NUP210: variants seen among roughly 807,000 people sequenced by gnomAD.
The protein encoded by NUP210 is nuclear pore membrane glycoprotein 210.
In NUP210, 151 loss-of-function variants were observed where a neutral mutation model predicts 196.0. The observed-to-expected ratio is 0.77, with a 90% CI of 0.67 to 0.88. NUP210 has a LOEUF of 0.88. Ranked by LOEUF, NUP210 falls within the 40% of genes least tolerant of loss-of-function variation. The pLI, the probability that NUP210 is intolerant of heterozygous loss-of-function variation, is 0.00. For missense variants in NUP210, 2,314 were observed against 2,493.7 expected, an observed-to-expected ratio of 0.93 and a Z score of 1.53; for synonymous variants, 1,070 against 1,052.7, an observed-to-expected ratio of 1.02 and a Z score of -0.32.
chr3:13,413,424 C>G (rs1447700712), intron 1 of NUP210, among the ~76,000 whole-genome samples: 1 of 151,582 alleles, frequency 6.6e-6, no homozygotes, highest in Non-Finnish European at 1.5e-5. Context: ...GAGCCAAGAT[C>G]GCACCACTGC....
chr3:13,397,571 T>C lies in NUP210; in HGVS notation c.305-83A>G, dbSNP rs1285450836. The C allele has an allele frequency of 1.2e-5, 17 of 1,417,848 alleles. No individual in the cohort carries two copies. In the Admixed American group the frequency reaches 4.5e-4, roughly 38 times the overall value. 87.8% of individuals were successfully genotyped at this position (1,417,848 alleles called of 1,614,324 possible). A position where few individuals can be genotyped will look rare whatever the true frequency, so the allele number is the denominator to read the frequency against. ...TTCCAAGCCTTGCAGGCTTACACTC[T>C]GGCAAAGACCACGGCAACCACCAGC... On this transcript the variant is annotated intron_variant, in intron 2 of 39. Coordinates refer to ENST00000254508, the MANE Select transcript of NUP210 (RefSeq NM_024923.4).
At chr3:13,364,255 G>A (rs562797424) in intron 14 of NUP210, among the ~76,000 whole-genome samples, 121 of 152,250 alleles carry the variant, frequency 7.9e-4, no homozygotes, top group Non-Finnish European at 1.6e-3. Context: ...GCAACTCTAG[G>A]GCCTGCAGAA....
chr3:13,348,450 C>T lies in NUP210; in HGVS notation c.2835+3429G>A. The T allele has an allele frequency of 1.0e-6, 1 of 985,416 alleles. No individual in the cohort carries two copies. The highest frequency in any genetic ancestry group is 1.2e-6 in the Non-Finnish European group (1 of 829,918). The allele number at this position is 985,416 out of a possible 1,614,324, so 61.0% of individuals were successfully genotyped here. On this transcript the variant is annotated intron_variant, in intron 20 of 39. Coordinates refer to ENST00000254508, the MANE Select transcript of NUP210 (RefSeq NM_024923.4). This position sits in a 1 kb window ranked among gnomAD's most constrained non-coding sequence, Gnocchi z 4.0. ...TGAGAGTGTGCCTCGGTTTCACTGG[C>T]ACTGTACACATTTTTCCCTAACTTG...
At chr3:13,328,088 T>G (rs926234908) in intron 31 of NUP210, among the ~76,000 whole-genome samples, 8 of 152,342 alleles carry the variant, frequency 5.3e-5, no homozygotes, top group African/African-American at 1.7e-4. Context: ...TATCAGGTGC[T>G]CCTGCTACAA....
Position 13,379,448 on chromosome 3 carries a change from C to T in NUP210, c.976+115G>A, listed in dbSNP as rs937341129. On this transcript the variant is annotated intron_variant, in intron 7 of 39. Coordinates refer to ENST00000254508, the MANE Select transcript of NUP210 (RefSeq NM_024923.4). The surrounding 1 kb of genome is among the most constrained non-coding windows in gnomAD (Gnocchi z 4.2). Reference sequence around the variant, plus strand: ...TTTCAGTTCTTTCTGATTTTCAGACCGTTGAGGGGAAACGGCTATTTTTAG... The same window carrying T: ...TTTCAGTTCTTTCTGATTTTCAGACTGTTGAGGGGAAACGGCTATTTTTAG... The T allele has an allele frequency of 1.1e-5, 14 of 1,319,504 alleles. No homozygotes were observed. The highest frequency in any genetic ancestry group is 2.9e-5 in the African/African-American group (2 of 68,518). 81.7% of individuals were successfully genotyped at this position (1,319,504 alleles called of 1,614,324 possible).
chr3:13,395,092 A>G (rs917901289), intron 3 of NUP210, among the ~76,000 whole-genome samples: 4 of 152,256 alleles, frequency 2.6e-5, no homozygotes, highest in African/African-American at 9.6e-5. Flanking sequence ...TGCAGGGGCC[A>G]TCAACCCTCC....
At chr3:13,339,710 C>T in intron 25 of NUP210, 144 bp downstream of exon 25, 1 of 727,774 alleles carries the variant, frequency 1.4e-6, no homozygotes, top group Non-Finnish European at 2.3e-6. Flanking sequence ...CTGTCCTGCA[C>T]CAGGGCCCCT....
At chr3:13,381,638 G>A (rs1015829059) in intron 6 of NUP210, among the ~76,000 whole-genome samples, 15 of 151,956 alleles carry the variant, frequency 9.9e-5, no homozygotes, top group African/African-American at 2.7e-4. Context: ...GGAAGTCTTC[G>A]CAGATATTAA....
At position 13,353,643 on chromosome 3, in the gene NUP210, C is replaced by A; in HGVS notation, c.2539G>T (p.Val847Phe). The change falls in exon 18 of 40, where the codon GTT (valine) becomes TTT (phenylalanine). Residue 847 changes from valine (V) to phenylalanine (F), a missense_variant. Val to Phe is a conservative substitution (Grantham distance 50, BLOSUM62 -1). Transcript: ENST00000254508. The stretch of plus-strand genomic sequence containing the variant: ...GCTGTGGTTCCTGATGCCTCGTGAA[C>A]CAAAATGGCCTGCAAACCTGAGACC... ...KKLHGLQAIL[V>F]HEASGTTAIT... 6.2e-7 allele frequency: 1 copy of A among 1,614,072 alleles called. No individual in the cohort carries two copies. Among genetic ancestry groups the A allele is most frequent in the Non-Finnish European group, 8.5e-7 (1 of 1,179,970 alleles).
At chr3:13,390,634 T>C (rs1011934578) in intron 4 of NUP210, among the ~76,000 whole-genome samples, 20 of 152,188 alleles carry the variant, frequency 1.3e-4, no homozygotes, top group African/African-American at 4.8e-4. Flanking sequence ...TCCAGCTCTG[T>C]CCTCCCGGAG....
chr3:13,376,183 G>A, intron 10 of NUP210, 108 bp downstream of exon 10: 1 of 1,078,774 alleles, frequency 9.3e-7, no homozygotes, highest in Non-Finnish European at 1.4e-6. Flanking sequence ...GAAAAGGGAT[G>A]CAGGTGGCCC....
At chr3:13,386,145 G>C in intron 6 of NUP210, 130 bp downstream of exon 6, 1 of 951,868 alleles carries the variant, frequency 1.1e-6, no homozygotes, top group Non-Finnish European at 1.6e-6. Context: ...AGAAGAGTGT[G>C]AATGTACTTG....
At position 13,379,062 on chromosome 3, in the gene NUP210, G is replaced by A; in HGVS notation, c.977-82C>T. ...CAGTTTCAGCTTGGCTCAGAATCCT[G>A]ATCATCAAGACATCACATGGAGAGA... is the stretch of plus-strand genomic sequence containing the variant. On this transcript the variant is annotated intron_variant, in intron 7 of 39. Coordinates refer to ENST00000254508, the MANE Select transcript of NUP210 (RefSeq NM_024923.4). The surrounding 1 kb of genome is among the most constrained non-coding windows in gnomAD (Gnocchi z 4.2). The A allele has an allele frequency of 8.7e-6, 10 of 1,143,700 alleles. No individual in the cohort carries two copies. Among genetic ancestry groups the A allele is most frequent in the East Asian group, 4.7e-5 (2 of 42,500 alleles). The allele number at this position is 1,143,700 out of a possible 1,614,324, so 70.8% of individuals were successfully genotyped here.
At chr3:13,317,810 A>C in intron 39 of NUP210, 29 bp from the exon 40 acceptor site, 1 of 1,506,318 alleles carries the variant, frequency 6.6e-7, no homozygotes, top group Middle Eastern at 1.7e-4. Context: ...CGATGTTAGC[A>C]GCAGAGCCAG....
chr3:13,329,226 T>C (rs757169826), intron 30 of NUP210, among the ~76,000 whole-genome samples: 16 of 152,218 alleles, frequency 1.1e-4, no homozygotes, highest in Non-Finnish European at 2.1e-4. Context: ...GAGATCACTA[T>C]TTACATTGCA....
Position 13,354,079 on chromosome 3 carries a change from C to T in NUP210, c.2357G>A (p.Arg786Gln), listed in dbSNP as rs2280084. ...CTGGTCGTAAGCAGCCAGGTCCAGC[C>T]GGGGGTTGCGGTGGCTGGACACTGG... ...VVPVSSHRNP[R>Q]LDLAAYDQEG... The change falls in exon 17 of 40, where the codon CGG (arginine) becomes CAG (glutamine). Residue 786 changes from arginine to glutamine, a missense_variant. Arg to Gln is a conservative substitution (Grantham distance 43). Coordinates refer to ENST00000254508, the MANE Select transcript of NUP210 (RefSeq NM_024923.4). 2.5e-6 allele frequency: 4 copies of T among 1,598,204 alleles called. No homozygotes were observed. Among genetic ancestry groups the T allele is most frequent in the Middle Eastern group, 1.7e-4 (1 of 6,028 alleles).
chr3:13,353,690 G>T, intron 17 of NUP210, 30 bp from the exon 18 acceptor site: 1 of 1,588,700 alleles, frequency 6.3e-7, no homozygotes, highest in Non-Finnish European at 8.6e-7. Flanking sequence ...AGCCACCGTT[G>T]GATGTCTGCC....
intron 15 of NUP210, among the ~76,000 whole-genome samples, chr3:13,359,446 C>T (rs1698296182): frequency 6.6e-6 from 1 of 152,156 alleles, no homozygotes. Flanking sequence ...TCTTTTCTGG[C>T]CATACCAGGG....
At position 13,348,487 on chromosome 3, in the gene NUP210, T is replaced by C. The variant is rs1001009547; in HGVS notation, c.2835+3392A>G. 4.1e-6 allele frequency: 4 copies of C among 985,326 alleles called. No individual in the cohort carries two copies. In the African/African-American group the frequency reaches 7.0e-5, roughly 17 times the overall value. The allele number at this position is 985,326 out of a possible 1,614,324, so 61.0% of individuals were successfully genotyped here. ...TTTTCCCTAACTTGGAACTCCCCTC[T>C]TCTTGGTAATGGGGAAGTTTTTATT... is the stretch of plus-strand genomic sequence containing the variant. On this transcript the variant is annotated intron_variant, in intron 20 of 39. Coordinates refer to ENST00000254508, the MANE Select transcript of NUP210 (RefSeq NM_024923.4). This position sits in a 1 kb window ranked among gnomAD's most constrained non-coding sequence, Gnocchi z 4.0.
Sources: gnomAD v4.1 joint callset for allele counts (sites outside exome capture counted in the v4.1 genomes callset) on GRCh38, gnomAD v4.1.1 for gene constraint, Gnocchi (gnomAD v3.1) non-coding constraint, MANE v1.5 for transcripts, NCBI Gene and HGNC (gene_info 2026-07-23, HGNC 2026-07-21) for gene names.